The following ADAMTSL2 variants were observed in gnomAD, a reference collection of about 807,000 sequenced individuals.
ADAMTSL2 encodes ADAMTS-like protein 2.
Under a neutral mutation model 117.0 loss-of-function variants are expected in ADAMTSL2, and 55 were observed. The observed-to-expected ratio is 0.47, with a 90% confidence interval of 0.38 to 0.59. The LOEUF (loss-of-function observed/expected upper bound fraction) is 0.59, where lower values mean the gene tolerates loss of function less well. Ranked by LOEUF, ADAMTSL2 falls within the 20% of genes least tolerant of loss-of-function variation. The probability of loss-of-function intolerance (pLI) is 0.00; values close to 1 mark genes in which losing one functional copy is unlikely to be tolerated. For synonymous variants in ADAMTSL2, 572 were observed against 566.4 expected, an observed-to-expected ratio of 1.01 and a Z score of -0.14; for missense variants, 1,182 against 1,354.5, an observed-to-expected ratio of 0.87 and a Z score of 2.00.
Position 133,550,414 on chromosome 9 carries a change from G to A in ADAMTSL2, c.939+3201G>A, listed in dbSNP as rs937215794. Among the ~76,000 whole-genome samples the A allele has an allele frequency of 2.0e-5, 3 of 152,160 alleles. No homozygotes were observed. The East Asian group carries it at 5.8e-4, about 29-fold the overall frequency. On this transcript the variant is annotated intron_variant, in intron 9 of 18. Coordinates refer to ENST00000651351, the MANE Select transcript of ADAMTSL2 (RefSeq NM_014694.4). ...GGCCCAGTGGATCTCACAGTCATGC[G>A]CCCATTGTGGCACGTCCTCTGCTAT...
intron 5 of ADAMTSL2, among the ~76,000 whole-genome samples, 200 bp from the exon 6 acceptor site, chr9:133,540,398 T>TCCA (rs1830188170): frequency 6.6e-6 from 1 of 152,194 alleles, no homozygotes; most frequent in South Asian, 2.1e-4. Context: ...AGGTAGAAGC[T>TCCA]GGAACTCACG....
At position 133,570,369 on chromosome 9, in the gene ADAMTSL2, G is replaced by A. The variant is rs956609115; in HGVS notation, c.2454G>A (p.Leu818=). 9 of 1,555,934 alleles carry A rather than the reference G, an allele frequency of 5.8e-6. No homozygotes were observed. The highest frequency in any genetic ancestry group is 7.8e-6 in the Non-Finnish European group (9 of 1,151,466). The change falls in exon 17 of 19, where the codon CTG becomes CTA. Residue 818 remains leucine (L), a synonymous_variant. Coordinates refer to ENST00000651351, the MANE Select transcript of ADAMTSL2 (RefSeq NM_014694.4). The stretch of plus-strand genomic sequence containing the variant: ...GCGGGCGCGGGGTCAAGAAGCGGCT[G>A]GTGCTCTGCATGGAGCTGGCCAACG... ...TTCGRGVKKR[L]VLCMELANGK...
chr9:133,560,810 C>G (rs1464335859), intron 11 of ADAMTSL2, among the ~76,000 whole-genome samples: 11 of 152,174 alleles, frequency 7.2e-5, no homozygotes, highest in Admixed American at 7.2e-4. Flanking sequence ...GGTCCCCTCC[C>G]CGGTGGGAAG....
chr9:133,539,988 C>A, intron 5 of ADAMTSL2, 115 bp downstream of exon 5: 2 of 984,670 alleles, frequency 2.0e-6, no homozygotes, highest in South Asian at 1.4e-5. Context: ...TGGAGGTGGT[C>A]AGACGAAGAG....
chr9:133,546,390 C>G (rs539788496), intron 8 of ADAMTSL2, among the ~76,000 whole-genome samples: 3 of 151,142 alleles, frequency 2.0e-5, no homozygotes, highest in Admixed American at 1.3e-4. Context: ...GATTGGGCAC[C>G]CAGGAAGAGG....
intron 17 of ADAMTSL2, among the ~76,000 whole-genome samples, 184 bp downstream of exon 17, chr9:133,570,691 C>T (rs1000565512): frequency 2.6e-5 from 4 of 152,224 alleles, no homozygotes; most frequent in Non-Finnish European, 5.9e-5. Context: ...GAGCCAGCAC[C>T]TCCAGGAAGC....
chr9:133,532,374 T>G (rs1446859743), upstream of ADAMTSL2: 1 of 152,170 alleles, frequency 6.6e-6, no homozygotes, highest in South Asian at 2.1e-4. Flanking sequence ...TTTTTGTATT[T>G]TTAGTAGAGA....
intron 12 of ADAMTSL2, among the ~76,000 whole-genome samples, chr9:133,563,848 A>G (rs1383835017): frequency 8.3e-4 from 33 of 39,546 alleles, no homozygotes; most frequent in South Asian, 3.6e-3. Context: ...AGAGAGGGAG[A>G]GAGAGAGAGA....
chr9:133,560,033 C>T (rs1200756943), intron 11 of ADAMTSL2, among the ~76,000 whole-genome samples: 4 of 152,246 alleles, frequency 2.6e-5, no homozygotes, highest in Non-Finnish European at 4.4e-5. Context: ...AATGCTCACC[C>T]GCTTGCCTAA....
intron 13 of ADAMTSL2, 28 bp downstream of exon 13, chr9:133,567,090 G>C: frequency 1.3e-6 from 2 of 1,590,222 alleles, no homozygotes; most frequent in Non-Finnish European, 1.7e-6. Context: ...CCCTGGGCAG[G>C]GGGTCGGCAG....
Position 133,545,607 on chromosome 9 carries a change from G to A in ADAMTSL2, c.763+1057G>A, listed in dbSNP as rs185603354. On this transcript the variant is annotated intron_variant, in intron 8 of 18. Coordinates refer to ENST00000651351, the MANE Select transcript of ADAMTSL2 (RefSeq NM_014694.4). ...TACTCCCTGGCCCGAGCGGGGAGCC[G>A]GGCCTCTCGCCAGGCCAGTTGCTTT... 4.7e-3 allele frequency among the ~76,000 whole-genome samples: 717 copies of A among 152,326 alleles called. 4 individuals are homozygous for A. The highest frequency in any genetic ancestry group is 0.017 in the Middle Eastern group (5 of 294).
chr9:133,548,795 A>G (rs1281024847), intron 9 of ADAMTSL2, among the ~76,000 whole-genome samples: 1 of 152,148 alleles, frequency 6.6e-6, no homozygotes, highest in Non-Finnish European at 1.5e-5. Flanking sequence ...CACCCCAGGC[A>G]GTTCACCGAA....
intron 13 of ADAMTSL2, among the ~76,000 whole-genome samples, chr9:133,567,978 G>A (rs578183651): frequency 1.3e-5 from 2 of 152,214 alleles, no homozygotes; most frequent in African/African-American, 4.8e-5. Flanking sequence ...AATCCTGTGG[G>A]CGCACAGCCA....
chr9:133,568,683 C>T lies in ADAMTSL2; in HGVS notation c.2169C>T (p.Asn723=). 1 of 1,613,518 alleles carries T rather than the reference C, an allele frequency of 6.2e-7. No individual in the cohort carries two copies. Among genetic ancestry groups the T allele is most frequent in the Non-Finnish European group, 8.5e-7 (1 of 1,180,008 alleles). Residue 723 remains asparagine, a synonymous_variant, in exon 15 of 19, where the codon AAC becomes AAT. Transcript: ENST00000651351. ...CSEDEKLCDP[N]TRPVGEKNCT... ...AGGATGAGAAGCTGTGTGACCCCAA[C>T]ACCAGGCCTGTAGGGGAGAAGAACT...
chr9:133,534,656 C>G (rs1830004704), upstream of ADAMTSL2: 2 of 1,328,050 alleles, frequency 1.5e-6, no homozygotes, highest in African/African-American at 1.5e-5. Flanking sequence ...GAGTGTTCCT[C>G]CCCGTCTGCC....
At chr9:133,549,325 C>T (rs1413964972) in intron 9 of ADAMTSL2, among the ~76,000 whole-genome samples, 2 of 152,052 alleles carry the variant, frequency 1.3e-5, no homozygotes, top group East Asian at 1.9e-4. Flanking sequence ...TCTTCTGCGA[C>T]GCCCTCTATT....
chr9:133,535,038 A>C, intron 1 of ADAMTSL2, 121 bp downstream of exon 1: 1 of 1,283,280 alleles, frequency 7.8e-7, no homozygotes, highest in African/African-American at 1.6e-5. Context: ...TAACGTGGGG[A>C]GGCTTGTGGG....
intron 4 of ADAMTSL2, among the ~76,000 whole-genome samples, chr9:133,539,357 C>T (rs1405535845): frequency 1.3e-5 from 2 of 152,208 alleles, no homozygotes; most frequent in African/African-American, 2.4e-5. Flanking sequence ...CTGATTTACG[C>T]AGTGTGCATG....
rs1010713424 is a variant in ADAMTSL2, at chr9:133,552,894, A to G, written c.940-1463A>G. 1.1e-4 allele frequency among the ~76,000 whole-genome samples: 17 copies of G among 152,198 alleles called. No homozygotes were observed. The East Asian group carries it at 2.9e-3, about 26-fold the overall frequency. ...TAGTAGCCTGGTAGCATTTCTCCCC[A>G]CGTTCTTACCAAGGCGCTAACTTCT... is the stretch of plus-strand genomic sequence containing the variant. On this transcript the variant is annotated intron_variant, in intron 9 of 18. Coordinates refer to ENST00000651351, the MANE Select transcript of ADAMTSL2 (RefSeq NM_014694.4).
Sources: allele counts gnomAD v4.1 joint callset (sites outside exome capture counted in the v4.1 genomes callset), GRCh38; gene constraint gnomAD v4.1.1; transcripts MANE v1.5; gene names NCBI Gene and HGNC (gene_info 2026-07-23, HGNC 2026-07-21).